The following XXYLT1 variants were observed in gnomAD, a reference collection of about 807,000 sequenced individuals.
XXYLT1 encodes the protein UDP-xylose:alpha-xyloside alpha-1,3-xylosyltransferase.
XXYLT1 carries 20 observed loss-of-function variants against 28.9 expected under a neutral mutation model. The ratio of observed to expected loss-of-function variants is 0.69; its 90% CI spans 0.49 to 1.00. The LOEUF (loss-of-function observed/expected upper bound fraction) is 1.00, where lower values mean the gene tolerates loss of function less well. Among genes scored for constraint, XXYLT1 ranks in the 50% least tolerant of loss-of-function variants. The pLI, the probability that XXYLT1 is intolerant of heterozygous loss-of-function variation, is 0.00. For synonymous variants in XXYLT1, 257 were observed against 253.8 expected (o/e 1.01, Z -0.12); for missense variants, 542 against 560.1 (o/e 0.97, Z 0.33).
intron 3 of XXYLT1, among the ~76,000 whole-genome samples, chr3:195,096,321 C>G (rs1270189924): frequency 6.6e-6 from 1 of 152,180 alleles, no homozygotes; most frequent in Non-Finnish European, 1.5e-5. Context: ...GACAGTGGCG[C>G]AGACACAGCA....
intron 3 of XXYLT1, among the ~76,000 whole-genome samples, chr3:195,087,841 G>GAA (rs1301244265): frequency 1.3e-5 from 2 of 152,046 alleles, no homozygotes; most frequent in Admixed American, 1.3e-4. Context: ...TGCGCGAGCC[G>GAA]AAGCAGGGCG....
intron 2 of XXYLT1, among the ~76,000 whole-genome samples, chr3:195,171,559 T>A (rs1208570198): frequency 1.3e-5 from 2 of 152,212 alleles, no homozygotes; most frequent in African/African-American, 2.4e-5. Context: ...AGGCAGGTGG[T>A]ATCTGGATTA....
At chr3:195,216,680 A>C (rs1723589555) in intron 2 of XXYLT1, among the ~76,000 whole-genome samples, 1 of 151,460 alleles carries the variant, frequency 6.6e-6, no homozygotes. Context: ...ATAGCTTACC[A>C]ATCAAAAAGA....
Position 195,112,569 on chromosome 3 carries a change from GCACACACACGCACGCACA to G in XXYLT1, c.786-42476_786-42459del, listed in dbSNP as rs879346276. Among the ~76,000 whole-genome samples the G allele has an allele frequency of 3.6e-3, 514 of 143,400 alleles. 2 individuals carry two copies. The highest frequency in any genetic ancestry group is 8.8e-3 in the Middle Eastern group (2 of 226). The allele number at this position is 143,400 out of a possible 152,430, so 94.1% of individuals were successfully genotyped here. ...GGTGGGAACAGCTAGATGAAGCAGT[GCACACACACGCACGCACA>G]CACACACACGCATGCACACACACGC... On this transcript the variant is annotated intron_variant, in intron 3 of 3. Coordinates refer to ENST00000310380, the MANE Select transcript of XXYLT1 (RefSeq NM_152531.5).
intron 3 of XXYLT1, among the ~76,000 whole-genome samples, chr3:195,155,550 A>AT (rs1720538368): frequency 2.1e-5 from 3 of 139,676 alleles, no homozygotes; most frequent in African/African-American, 5.6e-5. Context: ...TTTTTTTTTA[A>AT]TTACAAGATG....
chr3:195,252,312 A>G (rs777264853), intron 1 of XXYLT1, among the ~76,000 whole-genome samples: 31 of 152,262 alleles, frequency 2.0e-4, no homozygotes, highest in Non-Finnish European at 7.3e-5. Flanking sequence ...AGCTACGTCT[A>G]TAATATTTTA....
At chr3:195,201,986 G>A (rs556977708) in intron 2 of XXYLT1, among the ~76,000 whole-genome samples, 113 of 152,298 alleles carry the variant, frequency 7.4e-4, no homozygotes, top group Admixed American at 2.6e-3. Context: ...AGACCAGCCT[G>A]ACCAACATGG....
At chr3:195,199,605 G>C (rs557410875) in intron 2 of XXYLT1, among the ~76,000 whole-genome samples, 3 of 151,060 alleles carry the variant, frequency 2.0e-5, no homozygotes, top group African/African-American at 7.4e-5. Context: ...AGTGAGACTC[G>C]GTCTCAAAAG....
intron 3 of XXYLT1, among the ~76,000 whole-genome samples, chr3:195,144,419 C>T (rs982722003): frequency 2.0e-5 from 3 of 152,094 alleles, no homozygotes; most frequent in African/African-American, 7.2e-5. Flanking sequence ...CCCTATCGCC[C>T]AGGCTGGAAT....
chr3:195,103,094 T>C (rs1007182189), intron 3 of XXYLT1, among the ~76,000 whole-genome samples: 1 of 152,220 alleles, frequency 6.6e-6, no homozygotes, highest in Non-Finnish European at 1.5e-5. Context: ...ACTGCCAGCC[T>C]GCACTGAACG....
At chr3:195,253,503 C>CT (rs1231480044) in intron 1 of XXYLT1, among the ~76,000 whole-genome samples, 6,397 of 130,240 alleles carry the variant, frequency 0.049, 450 homozygotes, top group African/African-American at 0.15. Flanking sequence ...CTTTTTTTTT[C>CT]TTTTTTTTTT....
chr3:195,109,736 T>TGTGTGTGC (rs1717387483), intron 3 of XXYLT1, among the ~76,000 whole-genome samples: 1 of 67,288 alleles, frequency 1.5e-5, no homozygotes, highest in African/African-American at 4.7e-5. Flanking sequence ...GTGTGTGGTG[T>TGTGTGTGC]ATGTGTTCAG....
chr3:195,228,355 C>A (rs58048006), intron 1 of XXYLT1, among the ~76,000 whole-genome samples: 75 of 152,258 alleles, frequency 4.9e-4, no homozygotes, highest in African/African-American at 1.7e-3. Flanking sequence ...TTCCCCTTTC[C>A]CTCCACCTGC....
chr3:195,244,923 T>TG (rs1358543638), intron 1 of XXYLT1, among the ~76,000 whole-genome samples: 1 of 149,222 alleles, frequency 6.7e-6, no homozygotes, highest in African/African-American at 2.5e-5. Flanking sequence ...CCCAGCACTT[T>TG]GGGAGGCCAA....
At chr3:195,207,671 C>A (rs1339706244) in intron 2 of XXYLT1, among the ~76,000 whole-genome samples, 1 of 152,108 alleles carries the variant, frequency 6.6e-6, no homozygotes, top group Non-Finnish European at 1.5e-5. Flanking sequence ...TTAGCAGCTG[C>A]AAACAACAAA....
At chr3:195,252,721 CACACACAGAGAG>C (rs1259716094) in intron 1 of XXYLT1, among the ~76,000 whole-genome samples, 7 of 134,834 alleles carry the variant, frequency 5.2e-5, no homozygotes, top group African/African-American at 9.7e-5. Flanking sequence ...CACACACACA[CACACACAGAGAG>C]AGAGAGAGAG....
rs982569477 is a variant in XXYLT1, at chr3:195,145,499, C to T, written c.785+10950G>A. Among the ~76,000 whole-genome samples the T allele has an allele frequency of 4.0e-5, 6 of 149,224 alleles. No individual in the cohort carries two copies. The East Asian group carries it at 5.9e-4, about 15-fold the overall frequency. On this transcript the variant is annotated intron_variant, in intron 3 of 3. Transcript: ENST00000310380. ...CCACATGAATGGGCACCTCACTCCA[C>T]GGTGACCGGCACTGATGGGGCCCTG...
rs575130668 is a variant in XXYLT1 at position 195,127,209 on chromosome 3, C to A, written c.785+29240G>T. Among the ~76,000 whole-genome samples the A allele has an allele frequency of 5.9e-5, 9 of 152,150 alleles. No homozygotes were observed. In the East Asian group the frequency reaches 1.4e-3, roughly 23 times the overall value. ...CAGAGATCAGTGCTTAAAAGAGAGGCCTTAGGAAGGGAGACACAGCAAAAC... is the reference window on the plus strand; with the variant it reads ...CAGAGATCAGTGCTTAAAAGAGAGGACTTAGGAAGGGAGACACAGCAAAAC... On this transcript the variant is annotated intron_variant, in intron 3 of 3. Transcript: ENST00000310380.
At chr3:195,141,853 ACT>A (rs1389618351) in intron 3 of XXYLT1, among the ~76,000 whole-genome samples, 3 of 151,970 alleles carry the variant, frequency 2.0e-5, no homozygotes, top group Non-Finnish European at 4.4e-5. Flanking sequence ...GAGCGACTAG[ACT>A]CTAGTAATTT....
Sources: allele counts gnomAD v4.1 joint callset (sites outside exome capture counted in the v4.1 genomes callset), GRCh38; gene constraint gnomAD v4.1.1; transcripts MANE v1.5; gene names NCBI Gene and HGNC (gene_info 2026-07-23, HGNC 2026-07-21).